Variants in CABIN1 observed in about 807,000 individuals in gnomAD.
CABIN1 encodes calcineurin binding protein 1.
A neutral mutation model predicts 227.7 loss-of-function variants in CABIN1; 133 were observed. The ratio of observed to expected loss-of-function variants is 0.58; its 90% CI spans 0.51 to 0.67. The LOEUF (loss-of-function observed/expected upper bound fraction) is 0.67. Ranked by LOEUF, CABIN1 falls within the 30% of genes least tolerant of loss-of-function variation. The pLI is 0.00. For synonymous variants in CABIN1, 1,086 were observed against 1,155.1 expected, an observed-to-expected ratio of 0.94 and a Z score of 1.21; for missense variants, 2,408 against 2,852.5, an observed-to-expected ratio of 0.84 and a Z score of 3.55.
chr22:24,120,293 C>T (rs973280456), intron 28 of CABIN1, among the ~76,000 whole-genome samples: 13 of 152,202 alleles, frequency 8.5e-5, no homozygotes, highest in Non-Finnish European at 1.3e-4. Context: ...TTTTGGAAAG[C>T]GGATGATGTA....
intron 10 of CABIN1, among the ~76,000 whole-genome samples, chr22:24,057,759 C>G (rs1338319242): frequency 6.6e-6 from 1 of 152,216 alleles, no homozygotes; most frequent in Non-Finnish European, 1.5e-5. Context: ...TGATTGTTCT[C>G]AGTACTTGAC....
intron 18 of CABIN1, among the ~76,000 whole-genome samples, chr22:24,074,744 A>G (rs1272847859): frequency 6.6e-6 from 1 of 152,274 alleles, no homozygotes; most frequent in African/African-American, 2.4e-5. Flanking sequence ...AGGAAGCAGA[A>G]TTGGGCTTTT....
Position 24,054,944 on chromosome 22 carries a change from G to A in CABIN1, c.878G>A (p.Ser293Asn). 6.2e-7 allele frequency: 1 copy of A among 1,614,224 alleles called. No homozygotes were observed. The highest frequency in any genetic ancestry group is 8.5e-7 in the Non-Finnish European group (1 of 1,180,036). Residue 293 changes from serine (S) to asparagine (N), a missense_variant, in exon 9 of 37, where the codon AGC becomes AAC. By Grantham distance (46) the Ser-to-Asn change is conservative (BLOSUM62 1). Coordinates refer to ENST00000263119, the MANE Select transcript of CABIN1 (RefSeq NM_012295.4). Reference protein sequence around the residue: ...HLTTCEPPRPSLGKRIDLSDY... With the variant: ...HLTTCEPPRPNLGKRIDLSDY... The stretch of plus-strand genomic sequence containing the variant: ...ACCACCTGTGAGCCCCCACGTCCCA[G>A]CCTTGGCAAAAGGATTGATTTGTCG...
intron 24 of CABIN1, 101 bp downstream of exon 24, chr22:24,091,944 A>C (rs1349846879): frequency 1.2e-5 from 18 of 1,444,344 alleles, no homozygotes; most frequent in Middle Eastern, 1.8e-4. Context: ...CCGTCCTTCA[A>C]CCTGCCGCAA....
chr22:24,104,824 A>T (rs1265461744), intron 26 of CABIN1, among the ~76,000 whole-genome samples: 1 of 152,208 alleles, frequency 6.6e-6, no homozygotes, highest in Non-Finnish European at 1.5e-5. Context: ...TACGGTTCTT[A>T]GAAACCTGTT....
At chr22:24,138,846 G>C (rs1052179277) in intron 29 of CABIN1, among the ~76,000 whole-genome samples, 1 of 152,174 alleles carries the variant, frequency 6.6e-6, no homozygotes, top group African/African-American at 2.4e-5. Context: ...ACCCAACAAG[G>C]CCTGTCTGTT....
intron 34 of CABIN1, 51 bp from the exon 35 acceptor site, chr22:24,176,060 G>A (rs1442662092): frequency 6.3e-7 from 1 of 1,576,952 alleles, no homozygotes; most frequent in Non-Finnish European, 8.6e-7. Flanking sequence ...ATGCGTTGGA[G>A]CCTGCGGGGT....
At chr22:24,029,062 T>C (rs758519667) in intron 1 of CABIN1, among the ~76,000 whole-genome samples, 4 of 152,300 alleles carry the variant, frequency 2.6e-5, no homozygotes, top group East Asian at 1.9e-4. Context: ...GTACTCGATA[T>C]TTAAAAACTC....
chr22:24,061,318 A>G (rs1327141776), intron 12 of CABIN1, among the ~76,000 whole-genome samples: 1 of 152,234 alleles, frequency 6.6e-6, no homozygotes, highest in Non-Finnish European at 1.5e-5. Context: ...AGCACCAGGA[A>G]CATTCAGGGA....
rs1355659570 is a variant in CABIN1 at position 24,054,975 on chromosome 22, C to T, written c.909C>T (p.Tyr303=). 3.1e-6 allele frequency: 5 copies of T among 1,614,114 alleles called. No homozygotes were observed. In the African/African-American group the frequency reaches 5.3e-5, roughly 17 times the overall value. The part of the protein sequence containing the change: ...SLGKRIDLSD[Y]QDPSQPLESS... ...GCAAAAGGATTGATTTGTCGGACTA[C>T]CAGGACCCCAGCCAGCCTCTTGAGT... Residue 303 remains tyrosine (Y), a synonymous_variant, in exon 9 of 37, where the codon TAC becomes TAT. Coordinates refer to ENST00000263119, the MANE Select transcript of CABIN1 (RefSeq NM_012295.4).
rs142480923 is a variant in CABIN1, at chr22:24,152,859, A to G, written c.4747-11541A>G. Among the ~76,000 whole-genome samples the G allele has an allele frequency of 6.5e-3, 992 of 152,066 alleles. 7 individuals are homozygous for G. The highest frequency in any genetic ancestry group is 0.023 in the African/African-American group (954 of 41,406). On this transcript the variant is annotated intron_variant, in intron 29 of 36. Transcript: ENST00000263119. ...CAGCAACTTGGGCGGCTGAGGCAGGAGAATTGCTTGAACCCACGAGACAGA... is the reference window on the plus strand; with the variant it reads ...CAGCAACTTGGGCGGCTGAGGCAGGGGAATTGCTTGAACCCACGAGACAGA...
chr22:24,046,092 T>C (rs1249598293), intron 6 of CABIN1, among the ~76,000 whole-genome samples: 2 of 152,120 alleles, frequency 1.3e-5, no homozygotes, highest in Non-Finnish European at 2.9e-5. Flanking sequence ...GAACTTTGCC[T>C]GTTGTTGAAC....
chr22:24,125,425 G>A (rs937193904), intron 28 of CABIN1, among the ~76,000 whole-genome samples: 13 of 152,202 alleles, frequency 8.5e-5, no homozygotes, highest in Non-Finnish European at 1.6e-4. Context: ...TGGGGGACCC[G>A]TAGAAGCCAG....
chr22:24,019,692 T>C (rs2035580542), intron 1 of CABIN1, among the ~76,000 whole-genome samples: 1 of 137,210 alleles, frequency 7.3e-6, no homozygotes, highest in African/African-American at 2.7e-5. Flanking sequence ...AGTTTCGCCC[T>C]TGTTGCCCAG....
intron 1 of CABIN1, among the ~76,000 whole-genome samples, chr22:24,021,676 C>T (rs562899717): frequency 1.3e-4 from 19 of 151,996 alleles, no homozygotes; most frequent in Middle Eastern, 6.8e-3. Flanking sequence ...CCTTGCATCT[C>T]CTTTGGGTTA....
At chr22:24,162,867 G>C (rs1179191479) in intron 29 of CABIN1, among the ~76,000 whole-genome samples, 2 of 152,220 alleles carry the variant, frequency 1.3e-5, no homozygotes, top group African/African-American at 4.8e-5. Context: ...CGTCCTCACG[G>C]GTGTGTCTGT....
At chr22:24,096,668 T>G (rs1302270566) in intron 25 of CABIN1, among the ~76,000 whole-genome samples, 1 of 152,178 alleles carries the variant, frequency 6.6e-6, no homozygotes, top group East Asian at 1.9e-4. Context: ...CGCCCCATCC[T>G]CAGGGGCAAG....
At chr22:24,152,432 G>A (rs2045539393) in intron 29 of CABIN1, among the ~76,000 whole-genome samples, 1 of 152,200 alleles carries the variant, frequency 6.6e-6, no homozygotes, top group Admixed American at 6.5e-5. Context: ...GTTGGGGAAA[G>A]GAGAGGAAAC....
chr22:24,049,317 G>A lies in CABIN1; in HGVS notation c.656+97G>A, dbSNP rs2038141257. 11 of 1,464,592 alleles carry A rather than the reference G, an allele frequency of 7.5e-6. No individual in the cohort carries two copies. The South Asian group carries it at 1.1e-4, about 15-fold the overall frequency. 90.7% of individuals were successfully genotyped at this position (1,464,592 alleles called of 1,614,324 possible). A position where few individuals can be genotyped will look rare whatever the true frequency, so the allele number is the denominator to read the frequency against. On this transcript the variant is annotated intron_variant, in intron 7 of 36. Coordinates refer to ENST00000263119, the MANE Select transcript of CABIN1 (RefSeq NM_012295.4). ...CATTCTCCCCTCAGGTCCCATGGAT[G>A]GAGCCCCTGTGCTCTGGGGCTTCAT...
Sources: gnomAD v4.1 joint callset for allele counts (sites outside exome capture counted in the v4.1 genomes callset) on GRCh38, gnomAD v4.1.1 for gene constraint, MANE v1.5 for transcripts, NCBI Gene and HGNC (gene_info 2026-07-23, HGNC 2026-07-21) for gene names.